The following DUSP22 variants were observed in gnomAD, a reference collection of about 807,000 sequenced individuals.
The protein encoded by DUSP22 is dual specificity phosphatase 22, also known as dual specificity protein phosphatase 22.
DUSP22 carries 24 observed loss-of-function variants against 24.5 expected under a neutral mutation model. The ratio of observed to expected loss-of-function variants is 0.98; its 90% confidence interval spans 0.71 to 1.38. The LOEUF is 1.38. DUSP22 is among the 40% of genes most tolerant of loss of function. The probability of loss-of-function intolerance (pLI) is 0.00; values close to 1 mark genes in which losing one functional copy is unlikely to be tolerated. For synonymous variants in DUSP22, 160 were observed against 106.4 expected (o/e 1.50, Z -3.10); for missense variants, 330 against 269.2 (o/e 1.23, Z -1.58).
At chr6:320,830 G>A (rs1418573073) in intron 3 of DUSP22, among the ~76,000 whole-genome samples, 1 of 152,292 alleles carries the variant, frequency 6.6e-6, no homozygotes, top group Non-Finnish European at 1.5e-5. Flanking sequence ...TGAGGGTGGT[G>A]CTGTCTTCAG....
intron 4 of DUSP22, among the ~76,000 whole-genome samples, chr6:336,342 C>T (rs933192697): frequency 2.3e-4 from 35 of 152,404 alleles, no homozygotes; most frequent in African/African-American, 7.2e-4. Context: ...TCCTCAGGCT[C>T]GTCTGGATTC....
chr6:341,294 G>C (rs1032101939), intron 4 of DUSP22, among the ~76,000 whole-genome samples: 13 of 152,298 alleles, frequency 8.5e-5, no homozygotes, highest in Non-Finnish European at 1.6e-4. Flanking sequence ...CGGAGAGCAG[G>C]AACAGGGAAC....
intron 4 of DUSP22, among the ~76,000 whole-genome samples, chr6:341,666 AATGGCCCTATCATG>A (rs1472811377): frequency 6.6e-6 from 1 of 152,304 alleles, no homozygotes; most frequent in Non-Finnish European, 1.5e-5. Flanking sequence ...TGGCGCCGCG[AATGGCCCTATCATG>A]ATGCCTGCAC....
chr6:335,324 A>G (rs1269341319), intron 4 of DUSP22, among the ~76,000 whole-genome samples, 161 bp downstream of exon 4: 2 of 152,308 alleles, frequency 1.3e-5, no homozygotes, highest in Non-Finnish European at 2.9e-5. Context: ...AACGCTAGGC[A>G]GGCTGGGATG....
chr6:311,893 G>A lies in DUSP22; in HGVS notation c.69G>A (p.Ala23=), dbSNP rs759794031. 81 of 1,611,732 alleles carry A rather than the reference G, an allele frequency of 5.0e-5. No individual in the cohort carries two copies. The highest frequency in any genetic ancestry group is 5.9e-5 in the Non-Finnish European group (70 of 1,178,670). ...YIGNFKDARD[A]EQLSKNKVTH... ...CTTCTCTGACAGATGCCAGAGACGC[G>A]GAACAATTGAGCAAGAACAAGGTGA... The change falls in exon 3 of 7, where the codon GCG becomes GCA. Residue 23 remains alanine, a synonymous_variant. Transcript: ENST00000419235.
At chr6:315,874 A>C (rs1426555077) in intron 3 of DUSP22, among the ~76,000 whole-genome samples, 1 of 152,308 alleles carries the variant, frequency 6.6e-6, no homozygotes, top group Non-Finnish European at 1.5e-5. Context: ...TGGTGTATGC[A>C]CAAGATACGC....
intron 1 of DUSP22, 85 bp from the exon 2 acceptor site, chr6:304,543 A>T: frequency 6.3e-7 from 1 of 1,592,828 alleles, no homozygotes; most frequent in South Asian, 1.1e-5. Flanking sequence ...CTTTGCAGGG[A>T]TCCTGCTGCT....
At position 349,481 on chromosome 6, in the gene DUSP22, C is replaced by T. The variant is rs955036772; in HGVS notation, c.*530C>T. ...CTCCGAAAAGCTACCCAGCAAAGAG[C>T]AGTCTGTGCCTCTGAGCAGACCGTG... On this transcript the variant is annotated 3_prime_UTR_variant, in exon 7 of 7. Transcript: ENST00000419235. The T allele has an allele frequency of 1.5e-5, 15 of 1,006,280 alleles. No individual in the cohort carries two copies. The African/African-American group carries it at 2.6e-4, about 17-fold the overall frequency. The allele number at this position is 1,006,280 out of a possible 1,614,324, so 62.3% of individuals were successfully genotyped here.
chr6:327,160 A>G (rs1228935717), intron 3 of DUSP22, among the ~76,000 whole-genome samples: 1 of 152,306 alleles, frequency 6.6e-6, no homozygotes, highest in Non-Finnish European at 1.5e-5. Flanking sequence ...ACTGAGAGGA[A>G]ACTAAGAGCT....
intron 3 of DUSP22, among the ~76,000 whole-genome samples, chr6:324,584 C>G (rs1285580676): frequency 6.6e-6 from 1 of 152,312 alleles, no homozygotes; most frequent in East Asian, 1.9e-4. Context: ...GTGGCACTCA[C>G]CACGTCCAGC....
intron 3 of DUSP22, among the ~76,000 whole-genome samples, chr6:330,770 C>T (rs1283868586): frequency 6.6e-6 from 1 of 152,308 alleles, no homozygotes; most frequent in Admixed American, 6.5e-5. Context: ...TCTGTTGTTT[C>T]TTTCAAAACC....
intron 3 of DUSP22, among the ~76,000 whole-genome samples, chr6:319,222 A>G (rs1394258079): frequency 1.3e-5 from 2 of 152,306 alleles, no homozygotes; most frequent in Non-Finnish European, 1.5e-5. Flanking sequence ...GGGAGAAAGA[A>G]GGGAAGGGGG....
At chr6:313,217 T>G (rs555098340) in intron 3 of DUSP22, among the ~76,000 whole-genome samples, 1 of 152,420 alleles carries the variant, frequency 6.6e-6, no homozygotes, top group Admixed American at 6.5e-5. Context: ...AGGTTTCCTT[T>G]ATTTTAATAA....
Position 349,312 on chromosome 6 carries a change from G to A in DUSP22, c.*361G>A. 2.5e-6 allele frequency: 3 copies of A among 1,177,828 alleles called. No individual in the cohort carries two copies. The highest frequency in any genetic ancestry group is 3.2e-6 in the Non-Finnish European group (3 of 946,946). 73.0% of individuals were successfully genotyped at this position (1,177,828 alleles called of 1,614,324 possible). A position where few individuals can be genotyped will look rare whatever the true frequency, so the allele number is the denominator to read the frequency against. On this transcript the variant is annotated 3_prime_UTR_variant, in exon 7 of 7. Coordinates refer to ENST00000419235, the MANE Select transcript of DUSP22 (RefSeq NM_001286555.3). Reference sequence around the variant, plus strand: ...AAGTGTGTACATGTGTGTATGTTGTGAAAGTGTCTGTGCACATGAATGTTT... The same window carrying A: ...AAGTGTGTACATGTGTGTATGTTGTAAAAGTGTCTGTGCACATGAATGTTT...
Position 350,009 on chromosome 6 carries a change from C to G in DUSP22, c.*1058C>G. On this transcript the variant is annotated 3_prime_UTR_variant, in exon 7 of 7. Coordinates refer to ENST00000419235, the MANE Select transcript of DUSP22 (RefSeq NM_001286555.3). ...GGGAAGAAAGAGCATTTATTAGGCA[C>G]TGTAGCAATTTGCATTTTAAAATGC... 20 of 985,736 alleles carry G rather than the reference C, an allele frequency of 2.0e-5. No homozygotes were observed. Among genetic ancestry groups the G allele is most frequent in the Non-Finnish European group, 2.3e-5 (19 of 830,060 alleles). 61.1% of individuals were successfully genotyped at this position (985,736 alleles called of 1,614,324 possible). A position where few individuals can be genotyped will look rare whatever the true frequency, so the allele number is the denominator to read the frequency against.
At chr6:343,120 G>A (rs1425952187) in intron 4 of DUSP22, among the ~76,000 whole-genome samples, 2 of 152,260 alleles carry the variant, frequency 1.3e-5, no homozygotes, top group Non-Finnish European at 2.9e-5. Context: ...CTTAGATTTC[G>A]GGATTACAGC....
Position 293,847 on chromosome 6 carries a change from G to C in DUSP22, c.21+1287G>C, listed in dbSNP as rs182927484. On this transcript the variant is annotated intron_variant, in intron 1 of 6. Coordinates refer to ENST00000419235, the MANE Select transcript of DUSP22 (RefSeq NM_001286555.3). Reference sequence around the variant, plus strand: ...GAGTGATCAAGTTTGGAAACAGACTGTCTCTCTCTTGGATAAATACTTGTA... The same window carrying C: ...GAGTGATCAAGTTTGGAAACAGACTCTCTCTCTCTTGGATAAATACTTGTA... Among the ~76,000 whole-genome samples the C allele has an allele frequency of 5.1e-4, 64 of 126,052 alleles. No homozygotes were observed. The Admixed American group carries it at 6.5e-3, about 13-fold the overall frequency. 82.7% of individuals were successfully genotyped at this position (126,052 alleles called of 152,430 possible).
chr6:329,945 C>T (rs55739120), intron 3 of DUSP22, among the ~76,000 whole-genome samples: 707 of 151,548 alleles, frequency 4.7e-3, no homozygotes, highest in Non-Finnish European at 7.6e-3. Flanking sequence ...GGTCAGGCTT[C>T]TGGGAATGTG....
intron 1 of DUSP22, among the ~76,000 whole-genome samples, chr6:302,118 T>C (rs1301453960): frequency 6.6e-6 from 1 of 152,294 alleles, no homozygotes; most frequent in Non-Finnish European, 1.5e-5. Context: ...GCAGAAGCCC[T>C]CCTCCAGGAC....
Sources: gnomAD v4.1 joint callset for allele counts (sites outside exome capture counted in the v4.1 genomes callset) on GRCh38, gnomAD v4.1.1 for gene constraint, MANE v1.5 for transcripts, NCBI Gene and HGNC (gene_info 2026-07-23, HGNC 2026-07-21) for gene names.